The following IPMK variants were observed in gnomAD, a reference collection of about 807,000 sequenced individuals.
The protein encoded by IPMK is inositol 1,3,4,6-tetrakisphosphate 5-kinase.
A neutral mutation model predicts 45.8 loss-of-function variants in IPMK; 17 were observed. The ratio of observed to expected loss-of-function variants is 0.37; its 90% CI spans 0.25 to 0.56. IPMK has a LOEUF of 0.56. IPMK is among the 20% of genes least tolerant of loss of function. IPMK has a pLI of 0.79. For missense variants in IPMK, 399 were observed against 498.0 expected, an observed-to-expected ratio of 0.80 and a Z score of 1.89; for synonymous variants, 180 against 184.3, an observed-to-expected ratio of 0.98 and a Z score of 0.19.
intron 3 of IPMK, among the ~76,000 whole-genome samples, chr10:58,220,188 G>A (rs1838310677): frequency 6.6e-6 from 1 of 152,182 alleles, no homozygotes; most frequent in African/African-American, 2.4e-5. Flanking sequence ...CCCTTGGTAG[G>A]GAGGGGAGAG....
At position 58,267,417 on chromosome 10, in the gene IPMK, C is replaced by T; in HGVS notation, c.190+5G>A. The T allele has an allele frequency of 6.2e-7, 1 of 1,613,738 alleles. No homozygotes were observed. The highest frequency in any genetic ancestry group is 8.5e-7 in the Non-Finnish European group (1 of 1,179,740). On this transcript the variant is annotated splice_donor_5th_base_variant and intron_variant, in intron 1 of 5. Coordinates refer to ENST00000373935, the MANE Select transcript of IPMK (RefSeq NM_152230.5). ...AGCGGCGAGACCTATGCCACCCCCA[C>T]TTACCCACTTTGTCCTTCCCGTACA...
At chr10:58,226,189 T>A (rs1327014787) in intron 3 of IPMK, among the ~76,000 whole-genome samples, 1 of 151,978 alleles carries the variant, frequency 6.6e-6, no homozygotes, top group Admixed American at 6.6e-5. Context: ...GCACGCAAAG[T>A]CATTAAGTTA....
intron 4 of IPMK, among the ~76,000 whole-genome samples, chr10:58,201,085 T>C (rs1052875497): frequency 6.6e-6 from 1 of 152,146 alleles, no homozygotes; most frequent in Admixed American, 6.5e-5. Flanking sequence ...AAACAAAGTG[T>C]TTAAGGTAGG....
intron 4 of IPMK, among the ~76,000 whole-genome samples, chr10:58,209,515 T>C (rs1262054404): frequency 6.6e-6 from 1 of 152,174 alleles, no homozygotes; most frequent in Admixed American, 6.5e-5. Flanking sequence ...TGATCGTTAT[T>C]GTTCTTCTGG....
At chr10:58,252,782 T>A (rs1231973265) in intron 1 of IPMK, among the ~76,000 whole-genome samples, 1 of 151,982 alleles carries the variant, frequency 6.6e-6, no homozygotes, top group Non-Finnish European at 1.5e-5. Flanking sequence ...TGGGTAATTT[T>A]TGTATTTTTA....
chr10:58,207,330 G>A (rs551995183), intron 4 of IPMK, among the ~76,000 whole-genome samples: 2 of 152,338 alleles, frequency 1.3e-5, no homozygotes, highest in East Asian at 3.9e-4. Flanking sequence ...ATTTAGACAG[G>A]TTCCATATTT....
chr10:58,248,204 T>C (rs1051298996), intron 1 of IPMK, among the ~76,000 whole-genome samples: 3 of 151,872 alleles, frequency 2.0e-5, no homozygotes, highest in Non-Finnish European at 4.4e-5. Context: ...ACTTTAAAAC[T>C]TAAAGTATAA....
At position 58,216,309 on chromosome 10, in the gene IPMK, G is replaced by A; in HGVS notation, c.382C>T (p.Leu128=). 6.6e-7 allele frequency: 1 copy of A among 1,508,784 alleles called. No individual in the cohort carries two copies. Among genetic ancestry groups the A allele is most frequent in the Admixed American group, 2.1e-5 (1 of 48,298 alleles). The allele number at this position is 1,508,784 out of a possible 1,614,324, so 93.5% of individuals were successfully genotyped here. ...SPPTAPNDLY[L]KLEDVTHKFN... ...TTATGGGTCACATCTTCCAGTTTTA[G>A]GTATAAATCTGTTATTAAAGAAAAA... Residue 128 remains leucine (L), a synonymous_variant, in exon 4 of 6, where the codon CTA becomes TTA. Transcript: ENST00000373935.
At chr10:58,211,000 G>T (rs1287878498) in intron 4 of IPMK, among the ~76,000 whole-genome samples, 1 of 152,142 alleles carries the variant, frequency 6.6e-6, no homozygotes, top group African/African-American at 2.4e-5. Context: ...TGACAGAAGA[G>T]TTTTTGAATA....
intron 1 of IPMK, among the ~76,000 whole-genome samples, chr10:58,252,435 TG>T (rs1490055028): frequency 2.6e-3 from 292 of 114,278 alleles, no homozygotes; most frequent in African/African-American, 9.0e-3. Flanking sequence ...TGAATTTGAC[TG>T]TTTTTTTTTT....
chr10:58,201,486 T>C (rs947848501), intron 4 of IPMK, among the ~76,000 whole-genome samples: 3 of 152,158 alleles, frequency 2.0e-5, no homozygotes, highest in African/African-American at 7.2e-5. Flanking sequence ...AGATGGCAAA[T>C]TGGATAAATA....
chr10:58,196,803 A>G (rs1216278488), intron 5 of IPMK, 105 bp from the exon 6 acceptor site: 1 of 768,792 alleles, frequency 1.3e-6, no homozygotes, highest in African/African-American at 1.8e-5. Flanking sequence ...ATCATCCCTT[A>G]GAATTAAGTG....
rs564229345 is a variant in IPMK, at chr10:58,244,092, C to T, written c.191-6278G>A. Among the ~76,000 whole-genome samples, 1,150 of 150,756 alleles carry T rather than the reference C, an allele frequency of 7.6e-3. 15 individuals are homozygous for T. Among genetic ancestry groups the T allele is most frequent in the African/African-American group, 0.025 (1,022 of 40,928 alleles). On this transcript the variant is annotated intron_variant, in intron 1 of 5. Coordinates refer to ENST00000373935, the MANE Select transcript of IPMK (RefSeq NM_152230.5). Reference sequence around the variant, plus strand: ...CTGGGAGGTGGGGAACGTCTCTGCCCGGCCGCCCCGTCTGGGAAGTGGGCG... The same window carrying T: ...CTGGGAGGTGGGGAACGTCTCTGCCTGGCCGCCCCGTCTGGGAAGTGGGCG...
rs747099599 is a variant in IPMK at position 58,196,452 on chromosome 10, T to C, written c.875A>G (p.Asn292Ser). 6.2e-7 allele frequency: 1 copy of C among 1,614,190 alleles called. No individual in the cohort carries two copies. Among genetic ancestry groups the C allele is most frequent in the Non-Finnish European group, 8.5e-7 (1 of 1,180,020 alleles). Residue 292 changes from asparagine (N) to serine (S), a missense_variant, in exon 6 of 6, where the codon AAT becomes AGT. Asn to Ser is a conservative substitution (Grantham distance 46). This residue lies in a region of IPMK where 288 missense variants were observed against 398.0 expected (regional missense o/e 0.72). Transcript: ENST00000373935. Reference sequence around the variant, plus strand: ...GGAACTTAACACATGAAAGTTATTATTGTACTCTAGTACTTCTGTGTCTGA... The same window carrying C: ...GGAACTTAACACATGAAAGTTATTACTGTACTCTAGTACTTCTGTGTCTGA... ...QLSDTEVLEY[N>S]NNFHVLSSTA...
intron 1 of IPMK, among the ~76,000 whole-genome samples, chr10:58,255,979 CTTTAA>C (rs1156449833): frequency 6.6e-6 from 1 of 152,200 alleles, no homozygotes; most frequent in Non-Finnish European, 1.5e-5. Context: ...CTATGCCTGT[CTTTAA>C]TTTCTTAATC....
At chr10:58,260,348 A>C (rs990544414) in intron 1 of IPMK, among the ~76,000 whole-genome samples, 1 of 152,228 alleles carries the variant, frequency 6.6e-6, no homozygotes, top group Non-Finnish European at 1.5e-5. Flanking sequence ...TCCTGGATGA[A>C]GGAAAGTGCT....
At chr10:58,254,194 T>C (rs1225910994) in intron 1 of IPMK, among the ~76,000 whole-genome samples, 2 of 152,168 alleles carry the variant, frequency 1.3e-5, no homozygotes, top group Admixed American at 1.3e-4. Flanking sequence ...CTTATTGATG[T>C]TTCGTAATTC....
intron 1 of IPMK, among the ~76,000 whole-genome samples, chr10:58,243,349 C>T (rs1018444099): frequency 6.6e-6 from 1 of 152,168 alleles, no homozygotes; most frequent in African/African-American, 2.4e-5. Context: ...TAGAATGTCA[C>T]TGCCTTTAAA....
At position 58,251,588 on chromosome 10, in the gene IPMK, C is replaced by T. The variant is rs149692544; in HGVS notation, c.191-13774G>A. Reference sequence around the variant, plus strand: ...TGCCAAAAGTGGGGTGTTGAAGTCTCCTACTATTATTCTATTAAAGTCAAT... The same window carrying T: ...TGCCAAAAGTGGGGTGTTGAAGTCTTCTACTATTATTCTATTAAAGTCAAT... On this transcript the variant is annotated intron_variant, in intron 1 of 5. Coordinates refer to ENST00000373935, the MANE Select transcript of IPMK (RefSeq NM_152230.5). 1.4e-4 allele frequency among the ~76,000 whole-genome samples: 22 copies of T among 152,198 alleles called. No individual in the cohort carries two copies. In the East Asian group the frequency reaches 4.2e-3, roughly 29 times the overall value.
Sources: gnomAD v4.1 joint callset for allele counts (sites outside exome capture counted in the v4.1 genomes callset) on GRCh38, gnomAD v4.1.1 for gene constraint, gnomAD v4.1.1 regional missense constraint, MANE v1.5 for transcripts, NCBI Gene and HGNC (gene_info 2026-07-23, HGNC 2026-07-21) for gene names.